Variants in VPS53 observed in about 807,000 individuals in gnomAD.
VPS53 encodes the protein vacuolar protein sorting-associated protein 53 homolog.
A neutral mutation model predicts 107.0 loss-of-function variants in VPS53; 70 were observed. That is an observed-to-expected ratio of 0.65 (90% CI 0.54 to 0.80). VPS53 has a LOEUF of 0.80. VPS53 is among the 30% of genes least tolerant of loss of function. The pLI is 0.00. For synonymous variants in VPS53, 409 were observed against 393.3 expected, an observed-to-expected ratio of 1.04 and a Z score of -0.47; for missense variants, 917 against 1,049.4, an observed-to-expected ratio of 0.87 and a Z score of 1.74.
Position 696,945 on chromosome 17 carries a change from G to A in VPS53, c.285+473C>T, listed in dbSNP as rs566314112. Among the ~76,000 whole-genome samples the A allele has an allele frequency of 2.9e-4, 44 of 152,074 alleles. No individual in the cohort carries two copies. In the South Asian group the frequency reaches 3.5e-3, roughly 12 times the overall value. Reference sequence around the variant, plus strand: ...GTAGCTGGGATTACAGGCGTGAGCCGCTGTGCCCGCTGTGCCCGGCCAACT... The same window carrying A: ...GTAGCTGGGATTACAGGCGTGAGCCACTGTGCCCGCTGTGCCCGGCCAACT... On this transcript the variant is annotated intron_variant, in intron 4 of 21. Transcript: ENST00000437048.
At chr17:599,739 A>G (rs995946263) in intron 12 of VPS53, among the ~76,000 whole-genome samples, 17 of 146,216 alleles carry the variant, frequency 1.2e-4, no homozygotes, top group African/African-American at 3.5e-4. Flanking sequence ...AACACCCAAG[A>G]ATTATCAATA....
Position 660,009 on chromosome 17 carries a change from G to A in VPS53, c.372+1800C>T, listed in dbSNP as rs111717701. Reference sequence around the variant, plus strand: ...ACACGAGATCATCTGCGAGACAGAAGGCCCATGGTTGATTCGCCTCAACTG... The same window carrying A: ...ACACGAGATCATCTGCGAGACAGAAAGCCCATGGTTGATTCGCCTCAACTG... On this transcript the variant is annotated intron_variant, in intron 5 of 21. Transcript: ENST00000437048. Among the ~76,000 whole-genome samples the A allele has an allele frequency of 2.6e-5, 4 of 152,306 alleles. 1 individual carries two copies. Among genetic ancestry groups the A allele is most frequent in the African/African-American group, 9.6e-5 (4 of 41,562 alleles).
chr17:710,086 A>C (rs1973580848), intron 2 of VPS53, among the ~76,000 whole-genome samples: 1 of 152,186 alleles, frequency 6.6e-6, no homozygotes, highest in Non-Finnish European at 1.5e-5. Context: ...CAGACGTTGC[A>C]GTGAGCCGAG....
chr17:687,763 TAAATA>T (rs1252883800), intron 4 of VPS53, among the ~76,000 whole-genome samples: 1 of 152,062 alleles, frequency 6.6e-6, no homozygotes, highest in African/African-American at 2.4e-5. Flanking sequence ...AATAAGTGGA[TAAATA>T]AAATAAAGTA....
chr17:695,883 G>T (rs945613909), intron 4 of VPS53, among the ~76,000 whole-genome samples: 3 of 152,156 alleles, frequency 2.0e-5, no homozygotes, highest in African/African-American at 7.2e-5. Flanking sequence ...GAGCTGATAC[G>T]GTGTCTGAAG....
In VPS53 at chr17:653,420, A is replaced by C. The variant is rs1971042290; in HGVS notation, c.489-10T>G. On this transcript the variant is annotated splice_polypyrimidine_tract_variant and intron_variant, in intron 6 of 21. Transcript: ENST00000437048. Reference sequence around the variant, plus strand: ...TCGCCTGGTCATGGCTCTGCAAGGAAAGAATAAGTTTAAAAGTCTAGAAAA... The same window carrying C: ...TCGCCTGGTCATGGCTCTGCAAGGACAGAATAAGTTTAAAAGTCTAGAAAA... 6.2e-7 allele frequency: 1 copy of C among 1,614,010 alleles called. No individual in the cohort carries two copies. The highest frequency in any genetic ancestry group is 8.5e-7 in the Non-Finnish European group (1 of 1,180,040).
At chr17:693,859 T>G (rs1279209667) in intron 4 of VPS53, among the ~76,000 whole-genome samples, 1 of 152,236 alleles carries the variant, frequency 6.6e-6, no homozygotes, top group Non-Finnish European at 1.5e-5. Context: ...TTCAGAAGCT[T>G]AGGAAGCGAG....
intron 13 of VPS53, among the ~76,000 whole-genome samples, chr17:573,252 G>A (rs952504607): frequency 6.6e-6 from 1 of 152,170 alleles, no homozygotes; most frequent in Admixed American, 6.5e-5. Context: ...GTCAGCCAGA[G>A]GAAATCACTA....
chr17:713,914 G>A (rs1028015197), intron 1 of VPS53, among the ~76,000 whole-genome samples: 26 of 151,082 alleles, frequency 1.7e-4, no homozygotes, highest in African/African-American at 6.3e-4. Context: ...GTGTGGTGGC[G>A]TGCGCCTGTA....
intron 19 of VPS53, among the ~76,000 whole-genome samples, chr17:530,874 A>G (rs1404820560): frequency 6.6e-6 from 1 of 152,228 alleles, no homozygotes; most frequent in Non-Finnish European, 1.5e-5. Context: ...TAGTACTCAG[A>G]GAACAAAGAG....
intron 4 of VPS53, among the ~76,000 whole-genome samples, chr17:682,461 G>A (rs1972432932): frequency 6.6e-6 from 1 of 152,196 alleles, no homozygotes; most frequent in African/African-American, 2.4e-5. Context: ...AGACAGGACA[G>A]GAGAACCGTC....
rs1908330994 is a variant in VPS53 at position 516,600 on chromosome 17, G to C, written c.*2528C>G. 6.6e-6 allele frequency: 1 copy of C among 152,150 alleles called. No homozygotes were observed. Among genetic ancestry groups the C allele is most frequent in the African/African-American group, 2.4e-5 (1 of 41,416 alleles). 9.4% of individuals were successfully genotyped at this position (152,150 alleles called of 1,614,324 possible). A position where few individuals can be genotyped will look rare whatever the true frequency, so the allele number is the denominator to read the frequency against. On this transcript the variant is annotated 3_prime_UTR_variant, in exon 22 of 22. Transcript: ENST00000437048. ...GATGGTCTCAATTTCCTGCGCTTGT[G>C]ATCCGCCCGCCTCAGCCTCCCCAAG...
At chr17:634,520 T>C (rs1970107579) in intron 7 of VPS53, among the ~76,000 whole-genome samples, 1 of 150,184 alleles carries the variant, frequency 6.7e-6, no homozygotes, top group African/African-American at 2.4e-5. Context: ...ACATTAGCTA[T>C]ATCTCCTAAT....
chr17:698,834 C>A (rs1164047984), intron 3 of VPS53, among the ~76,000 whole-genome samples: 3 of 152,126 alleles, frequency 2.0e-5, no homozygotes, highest in Non-Finnish European at 2.9e-5. Flanking sequence ...TGAAGACTGG[C>A]CAAAGCATTG....
At chr17:702,301 C>T (rs1822721887) in intron 2 of VPS53, among the ~76,000 whole-genome samples, 1 of 152,208 alleles carries the variant, frequency 6.6e-6, no homozygotes, top group Admixed American at 6.5e-5. Context: ...GCACAGTGAG[C>T]TGTGATGGAG....
intron 2 of VPS53, among the ~76,000 whole-genome samples, chr17:708,650 T>A (rs1052542405): frequency 6.6e-6 from 1 of 152,090 alleles, no homozygotes; most frequent in Non-Finnish European, 1.5e-5. Context: ...CCTTTCACAG[T>A]CCGCTAAGTA....
intron 4 of VPS53, among the ~76,000 whole-genome samples, chr17:678,650 ATT>A (rs1555580366): frequency 6.2e-5 from 9 of 144,470 alleles, no homozygotes; most frequent in Admixed American, 1.4e-4. Context: ...ATATATATAT[ATT>A]TTTTTGAGAC....
intron 11 of VPS53, among the ~76,000 whole-genome samples, chr17:618,357 C>G: frequency 9.6e-6 from 1 of 104,450 alleles, no homozygotes; most frequent in African/African-American, 3.2e-5. Context: ...TGCACCACCA[C>G]GCCCCACTAA....
At chr17:535,903 G>A (rs1429581022) in intron 18 of VPS53, among the ~76,000 whole-genome samples, 1 of 152,124 alleles carries the variant, frequency 6.6e-6, no homozygotes, top group Non-Finnish European at 1.5e-5. Context: ...GGGAGAGATT[G>A]GGGGAAGACA....
Sources: allele counts gnomAD v4.1 joint callset (sites outside exome capture counted in the v4.1 genomes callset), GRCh38; gene constraint gnomAD v4.1.1; transcripts MANE v1.5; gene names NCBI Gene and HGNC (gene_info 2026-07-23, HGNC 2026-07-21).